The following CEMIP variants were observed in gnomAD, a reference collection of about 807,000 sequenced individuals.
CEMIP encodes the protein cell migration inducing hyaluronidase 1, also known as cell migration-inducing and hyaluronan-binding protein.
Under a neutral mutation model 156.9 loss-of-function variants are expected in CEMIP, and 105 were observed. The observed-to-expected ratio is 0.67, with a 90% CI of 0.57 to 0.79. The LOEUF (loss-of-function observed/expected upper bound fraction) is 0.79. Among genes scored for constraint, CEMIP ranks in the 30% least tolerant of loss-of-function variants. The pLI is 0.00. For missense variants in CEMIP, 1,457 were observed against 1,769.4 expected (o/e 0.82, Z 3.17); for synonymous variants, 676 against 668.4 (o/e 1.01, Z -0.17).
intron 1 of CEMIP, among the ~76,000 whole-genome samples, chr15:80,785,819 C>T (rs1895921989): frequency 1.3e-5 from 2 of 152,196 alleles, no homozygotes; most frequent in African/African-American, 4.8e-5. Flanking sequence ...GATGCATAAG[C>T]TCCCTCACCT....
Position 80,947,023 on chromosome 15 carries a change from G to A in CEMIP, c.3916G>A (p.Val1306Met). The change falls in exon 29 of 30, where the codon GTG becomes ATG. Residue 1306 changes from valine to methionine, a missense_variant. Coordinates refer to ENST00000394685, the MANE Select transcript of CEMIP (RefSeq NM_001293298.2). ...RYVSRGPWTR[V>M]LEKLGADRGL... ...CGTCTCCAGAGGCCCATGGACCAGA[G>A]TGCTGGAAAAGCTTGGGGCAGACAG... 2 of 1,614,158 alleles carry A rather than the reference G, an allele frequency of 1.2e-6. No homozygotes were observed. The highest frequency in any genetic ancestry group is 1.7e-6 in the Non-Finnish European group (2 of 1,179,984).
chr15:80,834,478 G>A (rs527645227), intron 1 of CEMIP, among the ~76,000 whole-genome samples: 10 of 152,286 alleles, frequency 6.6e-5, no homozygotes, highest in African/African-American at 2.4e-4. Context: ...GTAGAGTCAG[G>A]CTTCATTTTT....
At chr15:80,807,790 T>C (rs939836584) in intron 1 of CEMIP, among the ~76,000 whole-genome samples, 1 of 152,284 alleles carries the variant, frequency 6.6e-6, no homozygotes, top group South Asian at 2.1e-4. Flanking sequence ...GTCAGTGCTC[T>C]GCCATTGCAT....
intron 23 of CEMIP, among the ~76,000 whole-genome samples, chr15:80,934,609 A>G (rs1270756634): frequency 6.6e-6 from 1 of 152,184 alleles, no homozygotes; most frequent in Non-Finnish European, 1.5e-5. Context: ...AGGCATTATT[A>G]TCACCACCGT....
intron 1 of CEMIP, among the ~76,000 whole-genome samples, chr15:80,862,673 C>T (rs1396592340): frequency 2.6e-5 from 4 of 152,164 alleles, no homozygotes; most frequent in Admixed American, 2.0e-4. Context: ...TCCCTCATGT[C>T]CCATGCACGA....
chr15:80,900,891 T>C, intron 12 of CEMIP: 1 of 453,584 alleles, frequency 2.2e-6, no homozygotes, highest in Admixed American at 2.4e-5. Flanking sequence ...ACGGACACGA[T>C]CTCCCTGGGT....
At chr15:80,872,479 T>TTTTTTTTTTTTTTTTTTTTTGA (rs754996702) in intron 1 of CEMIP, among the ~76,000 whole-genome samples, 3 of 149,522 alleles carry the variant, frequency 2.0e-5, no homozygotes, top group African/African-American at 7.7e-5. Flanking sequence ...AACTTCTATA[T>TTTTTTTTTTTTTTTTTTTTTGA]GAGTAAAAGG....
chr15:80,945,338 A>G (rs183607367), intron 28 of CEMIP, among the ~76,000 whole-genome samples: 92 of 152,338 alleles, frequency 6.0e-4, no homozygotes, highest in Middle Eastern at 3.4e-3. Flanking sequence ...CCTGTGAGCT[A>G]ACTTAGATCC....
At position 80,932,117 on chromosome 15, in the gene CEMIP, T is replaced by G; in HGVS notation, c.2793+78T>G. ...TTCACAAGTCCCCTGGGTCCCAGAG[T>G]TTGAGCTATTGCCACCACCGCAGGG... On this transcript the variant is annotated intron_variant, in intron 22 of 29. Transcript: ENST00000394685. This position sits in a 1 kb window ranked among gnomAD's most constrained non-coding sequence, Gnocchi z 4.5. The G allele has an allele frequency of 6.5e-7, 1 of 1,531,084 alleles. No homozygotes were observed. The highest frequency in any genetic ancestry group is 1.1e-5 in the South Asian group (1 of 89,304). The allele number at this position is 1,531,084 out of a possible 1,614,324, so 94.8% of individuals were successfully genotyped here.
chr15:80,885,589 T>C (rs1054277448), intron 7 of CEMIP, among the ~76,000 whole-genome samples: 2 of 152,204 alleles, frequency 1.3e-5, no homozygotes, highest in African/African-American at 4.8e-5. Flanking sequence ...AGAAAGTGGC[T>C]AAGGGCCCAA....
chr15:80,919,541 C>T (rs984043574), intron 14 of CEMIP, among the ~76,000 whole-genome samples: 5 of 152,194 alleles, frequency 3.3e-5, no homozygotes, highest in South Asian at 4.1e-4. Context: ...TGGCACGGCG[C>T]GGTGGCTCAC....
intron 1 of CEMIP, among the ~76,000 whole-genome samples, chr15:80,831,290 G>A (rs115015752): frequency 1.5e-3 from 231 of 152,272 alleles, no homozygotes; most frequent in African/African-American, 5.4e-3. Flanking sequence ...CGTGGGAGAG[G>A]CTCAGAGAAA....
At chr15:80,853,301 G>C (rs1897757750) in intron 1 of CEMIP, among the ~76,000 whole-genome samples, 1 of 152,196 alleles carries the variant, frequency 6.6e-6, no homozygotes, top group Admixed American at 6.5e-5. Context: ...AGGACATAGG[G>C]AGTGTCTCCT....
rs145877327 is a variant in CEMIP at position 80,801,303 on chromosome 15, G to A, written c.-176+21689G>A. 2.5e-3 allele frequency among the ~76,000 whole-genome samples: 384 copies of A among 152,224 alleles called. 4 individuals are homozygous for A. Among genetic ancestry groups the A allele is most frequent in the African/African-American group, 8.7e-3 (362 of 41,542 alleles). On this transcript the variant is annotated intron_variant, in intron 1 of 29. Coordinates refer to ENST00000394685, the MANE Select transcript of CEMIP (RefSeq NM_001293298.2). ...ATCTCAACTCTGTTTTGTATCTATC[G>A]GCAGAACAACTGGAGGCTGGCTGGT...
At chr15:80,848,692 G>A (rs1013912883) in intron 1 of CEMIP, among the ~76,000 whole-genome samples, 9 of 152,226 alleles carry the variant, frequency 5.9e-5, no homozygotes, top group African/African-American at 1.9e-4. Flanking sequence ...GTTCCCAGGC[G>A]GAAAGAAGGG....
rs769071988 is a variant in CEMIP, at chr15:80,932,069, C to A, written c.2793+30C>A. ...GTGAGGCGCCAGGGCAGACTCCCGG[C>A]AAACCCAGACTTTGGATGGTGATTC... On this transcript the variant is annotated intron_variant, in intron 22 of 29. Transcript: ENST00000394685. This position sits in a 1 kb window ranked among gnomAD's most constrained non-coding sequence, Gnocchi z 4.5. 6 of 1,608,390 alleles carry A rather than the reference C, an allele frequency of 3.7e-6. No homozygotes were observed. The highest frequency in any genetic ancestry group is 5.1e-6 in the Non-Finnish European group (6 of 1,179,254).
rs760616240 is a variant in CEMIP at position 80,949,628 on chromosome 15, T to A, written c.*704T>A. 2 of 159,336 alleles carry A rather than the reference T, an allele frequency of 1.3e-5. No individual in the cohort carries two copies. The highest frequency in any genetic ancestry group is 4.8e-5 in the African/African-American group (2 of 41,488). The allele number at this position is 159,336 out of a possible 1,614,324, so 9.9% of individuals were successfully genotyped here. ...AACAGTTCATGGATATCCACTGATA[T>A]CCATGATGCTGGGTGCCCCAGCGCA... is the stretch of plus-strand genomic sequence containing the variant. On this transcript the variant is annotated 3_prime_UTR_variant, in exon 30 of 30. Coordinates refer to ENST00000394685, the MANE Select transcript of CEMIP (RefSeq NM_001293298.2).
chr15:80,818,388 A>T (rs1896835753), intron 1 of CEMIP, among the ~76,000 whole-genome samples: 1 of 152,238 alleles, frequency 6.6e-6, no homozygotes, highest in South Asian at 2.1e-4. Context: ...CTCACTTGAA[A>T]AGGGGCAGGA....
At position 80,852,671 on chromosome 15, in the gene CEMIP, A is replaced by G. The variant is rs547900222; in HGVS notation, c.-175-20867A>G. On this transcript the variant is annotated intron_variant, in intron 1 of 29. Transcript: ENST00000394685. ...TTTATGCCTCTGCTTTCATGTCCCAACATACTTTGAGAGATAGTCTCACCC... is the reference window on the plus strand; with the variant it reads ...TTTATGCCTCTGCTTTCATGTCCCAGCATACTTTGAGAGATAGTCTCACCC... Among the ~76,000 whole-genome samples the G allele has an allele frequency of 5.9e-5, 9 of 152,230 alleles. No homozygotes were observed. The South Asian group carries it at 1.7e-3, about 28-fold the overall frequency.
Sources: gnomAD v4.1 joint callset for allele counts (sites outside exome capture counted in the v4.1 genomes callset) on GRCh38, gnomAD v4.1.1 for gene constraint, Gnocchi (gnomAD v3.1) non-coding constraint, MANE v1.5 for transcripts, NCBI Gene and HGNC (gene_info 2026-07-23, HGNC 2026-07-21) for gene names.